The following AHCY variants were observed in gnomAD, a reference collection of about 807,000 sequenced individuals.
AHCY encodes S-adenosyl-L-homocysteine hydrolase.
Under a neutral mutation model 45.4 loss-of-function variants are expected in AHCY, and 24 were observed. The ratio of observed to expected loss-of-function variants is 0.53; its 90% confidence interval spans 0.38 to 0.74. The LOEUF (loss-of-function observed/expected upper bound fraction) is 0.74, where lower values mean the gene tolerates loss of function less well. Among genes scored for constraint, AHCY ranks in the 30% least tolerant of loss-of-function variants. The probability of loss-of-function intolerance (pLI) is 0.00; values close to 1 mark genes in which losing one functional copy is unlikely to be tolerated. For missense variants in AHCY, 449 were observed against 594.1 expected (o/e 0.76, Z 2.54); for synonymous variants, 245 against 235.1 (o/e 1.04, Z -0.39).
At chr20:34,262,956 G>T in the AHCY span, 5 of 1,579,234 alleles carry the variant, frequency 3.2e-6, no homozygotes, top group South Asian at 2.2e-5. Context: ...AAAGAAGGAG[G>T]ACCCCCAACC....
chr20:34,291,433 C>T lies in AHCY; in HGVS notation c.544G>A (p.Asp182Asn). 6.2e-7 allele frequency: 1 copy of T among 1,614,068 alleles called. No homozygotes were observed. The change falls in exon 5 of 10, where the codon GAC (aspartate) becomes AAC (asparagine). Residue 182 changes from aspartate (D) to asparagine (N), a missense_variant. Asp to Asn is a conservative substitution (Grantham distance 23, BLOSUM62 1). Coordinates refer to ENST00000217426, the MANE Select transcript of AHCY (RefSeq NM_000687.4). ...CCTCGGCTCACCTTGGTGACGGAGTCATTGACATTGATGGCAGGCACCTTG... is the reference window on the plus strand; with the variant it reads ...CCTCGGCTCACCTTGGTGACGGAGTTATTGACATTGATGGCAGGCACCTTG... ...ILKVPAINVN[D>N]SVTKSKFDNL...
At chr20:34,285,321 C>T in intron 9 of AHCY, 119 bp downstream of exon 9, 3 of 1,092,850 alleles carry the variant, frequency 2.7e-6, no homozygotes, top group Non-Finnish European at 4.1e-6. Context: ...TGTAGAGGAC[C>T]CCATGAGGGC....
the AHCY span, among the ~76,000 whole-genome samples, chr20:34,232,188 C>T: frequency 2.6e-5 from 4 of 152,142 alleles, no homozygotes; most frequent in Non-Finnish European, 5.9e-5. Flanking sequence ...GCTTTTTAAC[C>T]CAGGGAGATA....
chr20:34,247,569 C>T, the AHCY span, among the ~76,000 whole-genome samples: 4 of 151,926 alleles, frequency 2.6e-5, no homozygotes, highest in East Asian at 5.8e-4. Context: ...AGTGCTAGGA[C>T]TACAGGCATG....
Position 34,291,506 on chromosome 20 carries a change from G to T in AHCY, c.471C>A (p.Thr157=). 1 of 1,614,122 alleles carries T rather than the reference G, an allele frequency of 6.2e-7. No homozygotes were observed. The highest frequency in any genetic ancestry group is 8.5e-7 in the Non-Finnish European group (1 of 1,180,006). ...LPGIRGISEE[T]TTGVHNLYKM... The stretch of plus-strand genomic sequence containing the variant: ...TGTAGAGGTTGTGGACCCCAGTCGT[G>T]GTCTCCTCAGAGATGCCTCGGATGC... The change falls in exon 5 of 10, where the codon ACC becomes ACA. Residue 157 remains threonine (T), a synonymous_variant. Coordinates refer to ENST00000217426, the MANE Select transcript of AHCY (RefSeq NM_000687.4).
At chr20:34,261,171 T>A in the AHCY span, among the ~76,000 whole-genome samples, 1 of 152,236 alleles carries the variant, frequency 6.6e-6, no homozygotes, top group Non-Finnish European at 1.5e-5. Context: ...TCAAAACTAA[T>A]ATCTCTTACT....
intron 4 of AHCY, 46 bp downstream of exon 4, chr20:34,292,312 C>G (rs2036422311): frequency 6.2e-7 from 1 of 1,600,268 alleles, no homozygotes; most frequent in African/African-American, 1.3e-5. Flanking sequence ...CAAACAGGCC[C>G]CACCCAGGCC....
chr20:34,305,215 T>C (rs1332073895), upstream of AHCY, among the ~76,000 whole-genome samples: 3 of 150,692 alleles, frequency 2.0e-5, no homozygotes, highest in East Asian at 5.9e-4. Flanking sequence ...TCCCAGCTAC[T>C]CGCAAGGCTG....
chr20:34,238,400 T>C, the AHCY span, among the ~76,000 whole-genome samples: 1 of 152,200 alleles, frequency 6.6e-6, no homozygotes, highest in African/African-American at 2.4e-5. Context: ...TTCAAGTTCA[T>C]TGAGTCTCTC....
chr20:34,305,809 G>T (rs371495010), upstream of AHCY, among the ~76,000 whole-genome samples: 1 of 152,078 alleles, frequency 6.6e-6, no homozygotes, highest in Non-Finnish European at 1.5e-5. Context: ...CGGACCAGGC[G>T]CAGTGACTCA....
chr20:34,246,618 G>A, the AHCY span: 1 of 635,568 alleles, frequency 1.6e-6, no homozygotes, highest in East Asian at 3.0e-5. Context: ...CACCATGCCT[G>A]ACTAATTTTT....
rs1366791681 is a variant in AHCY at position 34,285,672 on chromosome 20, C to G, written c.973-38G>C. ...AGGGCAACAGTGAAGGCAGGCAGGG[C>G]CCCGCTCCCACAGCCCACCCTCTGA... On this transcript the variant is annotated intron_variant, in intron 8 of 9. Coordinates refer to ENST00000217426, the MANE Select transcript of AHCY (RefSeq NM_000687.4). 1.2e-5 allele frequency: 19 copies of G among 1,606,366 alleles called. No homozygotes were observed. In the East Asian group the frequency reaches 4.2e-4, roughly 36 times the overall value.
chr20:34,295,316 A>C lies in AHCY; in HGVS notation c.219+79T>G, dbSNP rs766845898. 97 of 1,566,154 alleles carry C rather than the reference A, an allele frequency of 6.2e-5. No individual in the cohort carries two copies. The African/African-American group carries it at 1.2e-3, about 20-fold the overall frequency. On this transcript the variant is annotated intron_variant, in intron 2 of 9. Coordinates refer to ENST00000217426, the MANE Select transcript of AHCY (RefSeq NM_000687.4). The stretch of plus-strand genomic sequence containing the variant: ...TCAGCTCCACACCTGGAAGGTCCCC[A>C]CCCTGGCACAGTCGTCTTCTTCCCT...
intron 8 of AHCY, among the ~76,000 whole-genome samples, chr20:34,287,060 C>A (rs1411226152): frequency 6.6e-6 from 1 of 152,120 alleles, no homozygotes. Flanking sequence ...TCTTCCCTTG[C>A]CATCCCTCCA....
chr20:34,234,035 A>AT, the AHCY span, among the ~76,000 whole-genome samples: 1 of 152,224 alleles, frequency 6.6e-6, no homozygotes, highest in East Asian at 1.9e-4. Flanking sequence ...ATTCAGAAAC[A>AT]CAGAGTCCCT....
chr20:34,286,743 C>T (rs766159812), intron 8 of AHCY, among the ~76,000 whole-genome samples: 34 of 145,088 alleles, frequency 2.3e-4, no homozygotes, highest in South Asian at 2.2e-4. Flanking sequence ...CTGAGCCAGG[C>T]GAATCGCTTG....
chr20:34,265,754 A>T, the AHCY span, among the ~76,000 whole-genome samples: 4 of 151,654 alleles, frequency 2.6e-5, no homozygotes, highest in Admixed American at 2.6e-4. Flanking sequence ...ATTTAAGACC[A>T]GTCTGACCAA....
chr20:34,238,519 G>T, the AHCY span, among the ~76,000 whole-genome samples: 5 of 151,624 alleles, frequency 3.3e-5, no homozygotes, highest in African/African-American at 1.2e-4. Flanking sequence ...TTTCTTTTTA[G>T]GTTTTCCATA....
chr20:34,303,523 C>G (rs1172136898), upstream of AHCY, among the ~76,000 whole-genome samples: 1 of 152,190 alleles, frequency 6.6e-6, no homozygotes, highest in Admixed American at 6.5e-5. Flanking sequence ...CTCACCGGTC[C>G]GGAAGGGAGC....
Sources: allele counts gnomAD v4.1 joint callset (sites outside exome capture counted in the v4.1 genomes callset), GRCh38; gene constraint gnomAD v4.1.1; transcripts MANE v1.5; gene names NCBI Gene and HGNC (gene_info 2026-07-23, HGNC 2026-07-21).